Variants in ZNF256 observed in about 807,000 individuals in gnomAD.
The protein encoded by ZNF256 is bone marrow zinc finger 3.
Under a neutral mutation model 7.9 loss-of-function variants are expected in ZNF256, and 4 were observed. That is an observed-to-expected ratio of 0.50 (90% CI 0.25 to 1.15). The LOEUF (loss-of-function observed/expected upper bound fraction) is 1.15. Among genes scored for constraint, ZNF256 ranks in the 50% most tolerant of loss-of-function variants. The pLI, the probability that ZNF256 is intolerant of heterozygous loss-of-function variation, is 0.15. For missense variants in ZNF256, 666 were observed against 755.9 expected, an observed-to-expected ratio of 0.88 and a Z score of 1.39; for synonymous variants, 260 against 260.4, an observed-to-expected ratio of 1.00 and a Z score of 0.02.
chr19:57,943,895 G>A (rs2072747129), intron 2 of ZNF256, 39 bp downstream of exon 2: 5 of 1,608,780 alleles, frequency 3.1e-6, no homozygotes, highest in Middle Eastern at 1.7e-4. Flanking sequence ...TAAGAGCAAA[G>A]GCTAGCTCGG....
In ZNF256 at chr19:57,941,362, C is replaced by G. The variant is rs780918564; in HGVS notation, c.1446G>C (p.Trp482Cys). 105 of 1,613,854 alleles carry G rather than the reference C, an allele frequency of 6.5e-5. 1 individual carries two copies. In the South Asian group the frequency reaches 1.0e-3, roughly 16 times the overall value. Residue 482 changes from tryptophan to cysteine, a missense_variant, in exon 3 of 3, where the codon TGG becomes TGC. Physicochemically the swap from Trp to Cys is radical, Grantham distance 215. Coordinates refer to ENST00000282308, the MANE Select transcript of ZNF256 (RefSeq NM_005773.3). ...FTCKSYLISH[W>C]KVHTGARPYE... Reference sequence around the variant, plus strand: ...AAGGCCTTGCTCCAGTATGAACTTTCCAGTGTGAGATGAGGTAGGATTTAC... The same window carrying G: ...AAGGCCTTGCTCCAGTATGAACTTTGCAGTGTGAGATGAGGTAGGATTTAC...
chr19:57,941,657 C>T lies in ZNF256; in HGVS notation c.1151G>A (p.Cys384Tyr), dbSNP rs2072729305. Residue 384 changes from cysteine to tyrosine, a missense_variant, in exon 3 of 3, where the codon TGT (cysteine) becomes TAT (tyrosine). Coordinates refer to ENST00000282308, the MANE Select transcript of ZNF256 (RefSeq NM_005773.3). ...TGTRPYMCSE[C>Y]GKSFSQSCHL... ...ACAGCTCTGGCTAAAGGATTTCCCA[C>T]ATTCACTGCACATATAAGGCCTTGT... 1 of 1,614,188 alleles carries T rather than the reference C, an allele frequency of 6.2e-7. No homozygotes were observed. Among genetic ancestry groups the T allele is most frequent in the Middle Eastern group, 1.6e-4 (1 of 6,062 alleles).
rs148138146 is a variant in ZNF256 at position 57,941,230 on chromosome 19, C to T, written c.1578G>A (p.Lys526=). The T allele has an allele frequency of 1.9e-5, 31 of 1,613,274 alleles. No individual in the cohort carries two copies. The African/African-American group carries it at 4.0e-4, about 21-fold the overall frequency. ...ERPYECNECG[K]FFSQSSSLIR... is the part of the protein sequence containing the mutation. ...TGAGGCTGGAGCTCTGGCTAAAAAA[C>T]TTCCCACATTCATTGCACTCATAAG... is the stretch of plus-strand genomic sequence containing the variant. The change falls in exon 3 of 3, where the codon AAG becomes AAA. Residue 526 remains lysine, a synonymous_variant. Coordinates refer to ENST00000282308, the MANE Select transcript of ZNF256 (RefSeq NM_005773.3).
Position 57,942,411 on chromosome 19 carries a change from G to A in ZNF256, c.397C>T (p.Leu133Phe), listed in dbSNP as rs1362260707. The change falls in exon 3 of 3, where the codon CTT (leucine) becomes TTT (phenylalanine). Residue 133 changes from leucine to phenylalanine, a missense_variant. Coordinates refer to ENST00000282308, the MANE Select transcript of ZNF256 (RefSeq NM_005773.3). ...ACATGCTGCTTCTGGTGCTGATGAA[G>A]GTATGCAGTAAATTGTAATTGTTTC... ...CRKQLQFTAY[L>F]HQHQKQHVGQ... is the part of the protein sequence containing the mutation. 1 of 1,614,060 alleles carries A rather than the reference G, an allele frequency of 6.2e-7. No homozygotes were observed. The highest frequency in any genetic ancestry group is 8.5e-7 in the Non-Finnish European group (1 of 1,180,046).
intron 1 of ZNF256, among the ~76,000 whole-genome samples, chr19:57,946,743 C>G (rs777452349): frequency 9.2e-5 from 14 of 152,226 alleles, no homozygotes; most frequent in Non-Finnish European, 2.1e-4. Context: ...CTCAACTTCT[C>G]AGGCAGCCAC....
intron 1 of ZNF256, among the ~76,000 whole-genome samples, chr19:57,945,981 T>C (rs1031608883): frequency 4.6e-5 from 7 of 152,248 alleles, no homozygotes; most frequent in Admixed American, 6.5e-5. Flanking sequence ...AAATCCTGGA[T>C]ACCCATAAAG....
At chr19:57,945,096 C>T (rs776100858) in intron 1 of ZNF256, among the ~76,000 whole-genome samples, 1 of 151,924 alleles carries the variant, frequency 6.6e-6, no homozygotes, top group Non-Finnish European at 1.5e-5. Flanking sequence ...GGGGTTTCAC[C>T]GTGTTAGCCA....
chr19:57,945,680 T>G (rs1047792687), intron 1 of ZNF256, among the ~76,000 whole-genome samples: 1 of 152,194 alleles, frequency 6.6e-6, no homozygotes, highest in Non-Finnish European at 1.5e-5. Flanking sequence ...CAGCTTACAC[T>G]AGTGGAAGCA....
rs2072749723 is a variant in ZNF256, at chr19:57,944,080, T to G, written c.34-20A>C. The G allele has an allele frequency of 6.2e-7, 1 of 1,613,002 alleles. No homozygotes were observed. The highest frequency in any genetic ancestry group is 8.5e-7 in the Non-Finnish European group (1 of 1,179,296). ...AATGCCCTGCCAGGATGGGGACACA[T>G]GAAACCACAAACGGTTCCTCCTCTC... On this transcript the variant is annotated intron_variant, in intron 1 of 2. Coordinates refer to ENST00000282308, the MANE Select transcript of ZNF256 (RefSeq NM_005773.3).
Position 57,947,668 on chromosome 19 carries a change from T to G in ZNF256, c.-194A>C. On this transcript the variant is annotated 5_prime_UTR_variant, in exon 1 of 3. Transcript: ENST00000282308. ...CTACCAAGTAATCAGTCCAGACAAATGCCAAAACGACCGCCACAAGGAGGA... is the reference window on the plus strand; with the variant it reads ...CTACCAAGTAATCAGTCCAGACAAAGGCCAAAACGACCGCCACAAGGAGGA... The G allele has an allele frequency of 6.9e-5, 32 of 466,288 alleles. No homozygotes were observed. Among genetic ancestry groups the G allele is most frequent in the East Asian group, 3.6e-5 (1 of 27,682 alleles). 28.9% of individuals were successfully genotyped at this position (466,288 alleles called of 1,614,324 possible).
chr19:57,943,761 G>A (rs1206123618), intron 2 of ZNF256, among the ~76,000 whole-genome samples, 173 bp downstream of exon 2: 5 of 152,186 alleles, frequency 3.3e-5, no homozygotes, highest in Non-Finnish European at 5.9e-5. Flanking sequence ...AGCAGGTGTT[G>A]CTTGCTCAAG....
intron 1 of ZNF256, among the ~76,000 whole-genome samples, chr19:57,946,428 C>T (rs972912022): frequency 1.3e-5 from 2 of 152,174 alleles, no homozygotes; most frequent in Non-Finnish European, 1.5e-5. Flanking sequence ...AAACTTCTTT[C>T]CCTACAGCTG....
Position 57,941,013 on chromosome 19 carries a change from C to T in ZNF256, c.1795G>A (p.Gly599Arg). ...NLTNHQRIHS[G>R]ERPYECSDCG... ...TCACTACACTCATAAGGCCTTTCCC[C>T]ACTGTGAATTCGCTGGTGATTAGTG... The change falls in exon 3 of 3, where the codon GGG becomes AGG. Residue 599 changes from glycine to arginine, a missense_variant. Coordinates refer to ENST00000282308, the MANE Select transcript of ZNF256 (RefSeq NM_005773.3). The T allele has an allele frequency of 6.2e-7, 1 of 1,614,196 alleles. No individual in the cohort carries two copies. The highest frequency in any genetic ancestry group is 1.1e-5 in the South Asian group (1 of 91,084).
Position 57,942,421 on chromosome 19 carries a change from A to G in ZNF256, c.387T>C (p.Phe129=). ...TCTGGTGCTGATGAAGGTATGCAGT[A>G]AATTGTAATTGTTTCCTACATGCCC... ...TDGACRKQLQ[F]TAYLHQHQKQ... The change falls in exon 3 of 3, where the codon TTT becomes TTC. Residue 129 remains phenylalanine, a synonymous_variant. Coordinates refer to ENST00000282308, the MANE Select transcript of ZNF256 (RefSeq NM_005773.3). The G allele has an allele frequency of 6.2e-7, 1 of 1,614,240 alleles. No homozygotes were observed. The highest frequency in any genetic ancestry group is 1.1e-5 in the South Asian group (1 of 91,088).
At chr19:57,945,560 T>C (rs1456946589) in intron 1 of ZNF256, among the ~76,000 whole-genome samples, 3 of 152,180 alleles carry the variant, frequency 2.0e-5, no homozygotes, top group Admixed American at 6.5e-5. Context: ...TTTCATCAGA[T>C]GTCAAGGCGA....
Position 57,941,625 on chromosome 19 carries a change from T to C in ZNF256, c.1183A>G (p.Ile395Val). The change falls in exon 3 of 3, where the codon ATT becomes GTT. Residue 395 changes from isoleucine (I) to valine (V), a missense_variant. Coordinates refer to ENST00000282308, the MANE Select transcript of ZNF256 (RefSeq NM_005773.3). ...CCAATGTGAAGTCTCCGGTGTTTAATGAGGTGACAGCTCTGGCTAAAGGAT... is the reference window on the plus strand; with the variant it reads ...CCAATGTGAAGTCTCCGGTGTTTAACGAGGTGACAGCTCTGGCTAAAGGAT... ...GKSFSQSCHL[I>V]KHRRLHIGEG... The C allele has an allele frequency of 6.2e-7, 1 of 1,614,144 alleles. No homozygotes were observed. The highest frequency in any genetic ancestry group is 1.1e-5 in the South Asian group (1 of 91,086).
In ZNF256 at chr19:57,940,939, G is replaced by C; in HGVS notation, c.1869C>G (p.Asn623Lys). The C allele has an allele frequency of 6.2e-7, 1 of 1,613,710 alleles. No individual in the cohort carries two copies. Among genetic ancestry groups the C allele is most frequent in the Non-Finnish European group, 8.5e-7 (1 of 1,179,652 alleles). Reference protein sequence around the residue: ...TFNSNLLKHQNVHKG With the variant: ...TFNSNLLKHQKVHKG ...TACCTAACCTTTATCCCTTGTGAAC[G>C]TTCTGATGTTTTAGGAGGTTGGAGT... The change falls in exon 3 of 3, where the codon AAC (asparagine) becomes AAG (lysine). Residue 623 changes from asparagine (N) to lysine (K), a missense_variant. Transcript: ENST00000282308.
chr19:57,941,983 G>A lies in ZNF256; in HGVS notation c.825C>T (p.Ser275=). ...KPYTCGECGK[S]YRQSSSLITH... is the part of the protein sequence containing the mutation. ...TAATAAGGCTAGAGCTTTGCCTATA[G>A]GATTTCCCACATTCTCCACATGTAT... is the stretch of plus-strand genomic sequence containing the variant. Residue 275 remains serine, a synonymous_variant, in exon 3 of 3, where the codon TCC becomes TCT. Coordinates refer to ENST00000282308, the MANE Select transcript of ZNF256 (RefSeq NM_005773.3). 6.2e-7 allele frequency: 1 copy of A among 1,614,022 alleles called. No homozygotes were observed. The highest frequency in any genetic ancestry group is 8.5e-7 in the Non-Finnish European group (1 of 1,179,984).
chr19:57,944,749 A>G (rs547773374), intron 1 of ZNF256, among the ~76,000 whole-genome samples: 1 of 152,200 alleles, frequency 6.6e-6, no homozygotes, highest in East Asian at 2.0e-4. Context: ...ACTAGAACCC[A>G]GGAGGTGGAG....
Sources: allele counts gnomAD v4.1 joint callset (sites outside exome capture counted in the v4.1 genomes callset), GRCh38; gene constraint gnomAD v4.1.1; transcripts MANE v1.5; gene names NCBI Gene and HGNC (gene_info 2026-07-23, HGNC 2026-07-21).